Variants in TASP1 observed in about 807,000 individuals in gnomAD.
The protein encoded by TASP1 is threonine aspartase 1.
TASP1 carries 16 observed loss-of-function variants against 56.6 expected under a neutral mutation model. The observed-to-expected ratio is 0.28, with a 90% confidence interval of 0.19 to 0.43. The LOEUF is 0.43. Ranked by LOEUF, TASP1 falls within the 20% of genes least tolerant of loss-of-function variation. The pLI, the probability that TASP1 is intolerant of heterozygous loss-of-function variation, is 1.00. For missense variants in TASP1, 393 were observed against 511.6 expected (o/e 0.77, Z 2.24); for synonymous variants, 179 against 184.2 (o/e 0.97, Z 0.23).
chr20:13,521,734 A>G (rs1394847693), intron 10 of TASP1, among the ~76,000 whole-genome samples: 1 of 152,184 alleles, frequency 6.6e-6, no homozygotes, highest in Non-Finnish European at 1.5e-5. Context: ...ATACATATGT[A>G]ACTAATCTGC....
At chr20:13,299,685 G>A in the TASP1 span, 2 of 475,698 alleles carry the variant, frequency 4.2e-6, no homozygotes, top group Non-Finnish European at 7.4e-6. This position sits in a 1 kb window ranked among gnomAD's most constrained non-coding sequence, Gnocchi z 5.8. Flanking sequence ...TGCCCCTGGG[G>A]AGCGATGTGG....
the TASP1 span, among the ~76,000 whole-genome samples, chr20:13,251,672 C>T: frequency 6.6e-6 from 1 of 152,186 alleles, no homozygotes; most frequent in African/African-American, 2.4e-5. Context: ...AGAGAGCAAG[C>T]AAGAGTTGCA....
chr20:13,476,167 C>T, intron 11 of TASP1, among the ~76,000 whole-genome samples: 1 of 152,092 alleles, frequency 6.6e-6, no homozygotes, highest in East Asian at 1.9e-4. Context: ...CTTTGGTAGT[C>T]TGGTTAAAGT....
At chr20:13,308,932 A>G in the TASP1 span, among the ~76,000 whole-genome samples, 1 of 152,052 alleles carries the variant, frequency 6.6e-6, no homozygotes, top group Non-Finnish European at 1.5e-5. Flanking sequence ...GCAGTCTATA[A>G]ACCAGAAGAG....
intron 8 of TASP1, 113 bp downstream of exon 8, chr20:13,558,895 A>G (rs554004411): frequency 3.6e-6 from 2 of 554,308 alleles, no homozygotes; most frequent in African/African-American, 1.9e-5. Flanking sequence ...TTTAAAGTAC[A>G]TATGTGACAC....
the TASP1 span, among the ~76,000 whole-genome samples, chr20:13,302,697 A>C: frequency 6.6e-6 from 1 of 152,176 alleles, no homozygotes; most frequent in Non-Finnish European, 1.5e-5. Context: ...GTAGCTGCTC[A>C]AATTTTTCTC....
At chr20:13,204,552 T>TATA in the TASP1 span, among the ~76,000 whole-genome samples, 1 of 151,382 alleles carries the variant, frequency 6.6e-6, no homozygotes, top group South Asian at 2.1e-4. Context: ...TATATGTATA[T>TATA]TTTTTGAGAC....
chr20:13,576,299 AGAG>A (rs1478805308), intron 6 of TASP1, among the ~76,000 whole-genome samples: 2 of 146,252 alleles, frequency 1.4e-5, no homozygotes, highest in Non-Finnish European at 3.0e-5. Flanking sequence ...GAAGGGAAGG[AGAG>A]AGAGAGAGAG....
At chr20:13,335,598 AG>A in the TASP1 span, among the ~76,000 whole-genome samples, 1 of 152,258 alleles carries the variant, frequency 6.6e-6, no homozygotes, top group Middle Eastern at 3.4e-3. Flanking sequence ...GAGTAAATGT[AG>A]GAATTAATAA....
intron 11 of TASP1, among the ~76,000 whole-genome samples, chr20:13,463,922 C>T (rs1456648529): frequency 6.6e-6 from 1 of 152,102 alleles, no homozygotes; most frequent in Non-Finnish European, 1.5e-5. Flanking sequence ...TGTGCAGCTG[C>T]TAAGGAAAAC....
chr20:13,421,747 G>A (rs1266351796), intron 12 of TASP1, among the ~76,000 whole-genome samples: 1 of 152,100 alleles, frequency 6.6e-6, no homozygotes, highest in Non-Finnish European at 1.5e-5. Context: ...GATTCATATA[G>A]CAGTGGTGGG....
the TASP1 span, among the ~76,000 whole-genome samples, chr20:13,268,915 A>T: frequency 6.6e-6 from 1 of 152,156 alleles, no homozygotes; most frequent in Non-Finnish European, 1.5e-5. Flanking sequence ...CCCTGTCTCT[A>T]AAAAATGACA....
intron 10 of TASP1, among the ~76,000 whole-genome samples, chr20:13,526,378 T>C (rs558813900): frequency 6.6e-6 from 1 of 152,252 alleles, no homozygotes; most frequent in East Asian, 1.9e-4. Flanking sequence ...ACAATCAAAA[T>C]GCAACTATGA....
chr20:13,285,001 C>G, the TASP1 span, among the ~76,000 whole-genome samples: 1 of 152,126 alleles, frequency 6.6e-6, no homozygotes, highest in Non-Finnish European at 1.5e-5. Flanking sequence ...GAAAACCACC[C>G]CCAGGCCAGG....
the TASP1 span, among the ~76,000 whole-genome samples, chr20:13,278,595 T>C: frequency 6.6e-6 from 1 of 152,236 alleles, no homozygotes; most frequent in African/African-American, 2.4e-5. Flanking sequence ...TTACTAGCCC[T>C]GTGACTTTAG....
At chr20:13,125,799 C>T in the TASP1 span, among the ~76,000 whole-genome samples, 1 of 152,220 alleles carries the variant, frequency 6.6e-6, no homozygotes, top group South Asian at 2.1e-4. Context: ...AGAACCACCA[C>T]ACCATCACCT....
At chr20:13,353,112 TGTAGTCCCAAC>T in the TASP1 span, among the ~76,000 whole-genome samples, 1 of 152,182 alleles carries the variant, frequency 6.6e-6, no homozygotes, top group South Asian at 2.1e-4. Flanking sequence ...ACTGGGCACC[TGTAGTCCCAAC>T]TACTCAGGAG....
At chr20:13,349,833 AAATTTTAAAAAATAAT>A in the TASP1 span, among the ~76,000 whole-genome samples, 1 of 152,346 alleles carries the variant, frequency 6.6e-6, no homozygotes, top group African/African-American at 2.4e-5. Context: ...CTGGAAATCA[AAATTTTAAAAAATAAT>A]ACGGTTTAAA....
At chr20:13,429,473 A>AT (rs1218743330) in intron 12 of TASP1, among the ~76,000 whole-genome samples, 1,587 of 150,996 alleles carry the variant, frequency 0.011, 31 homozygotes, top group African/African-American at 0.036. Context: ...TTATTTGTCA[A>AT]TTATTTTTTT....
Sources: allele counts gnomAD v4.1 joint callset (sites outside exome capture counted in the v4.1 genomes callset), GRCh38; gene constraint gnomAD v4.1.1; non-coding constraint Gnocchi (gnomAD v3.1); transcripts MANE v1.5; gene names NCBI Gene and HGNC (gene_info 2026-07-23, HGNC 2026-07-21).